Variants in INSL6 observed in about 807,000 individuals in gnomAD.
INSL6 encodes insulin-like peptide INSL6.
In INSL6, 16 loss-of-function variants were observed where a neutral mutation model predicts 9.4. The ratio of observed to expected loss-of-function variants is 1.70; its 90% CI spans 1.15 to 2.59. The LOEUF is 2.59. Ranked by LOEUF, INSL6 falls within the 30% of genes most tolerant of loss-of-function variation. The probability of loss-of-function intolerance (pLI) is 0.00; values close to 1 mark genes in which losing one functional copy is unlikely to be tolerated. For synonymous variants in INSL6, 154 were observed against 96.9 expected (o/e 1.59, Z -3.46); for missense variants, 391 against 257.3 (o/e 1.52, Z -3.56).
chr9:5,089,691 G>C, the INSL6 span: 1 of 1,413,510 alleles, frequency 7.1e-7, no homozygotes, highest in Non-Finnish European at 9.3e-7. Flanking sequence ...TTGGGAGTGT[G>C]GAGATGTGCC....
downstream of INSL6, among the ~76,000 whole-genome samples, chr9:5,158,967 T>A (rs1027769801): frequency 6.6e-6 from 1 of 152,048 alleles, no homozygotes; most frequent in African/African-American, 2.4e-5. Flanking sequence ...ATGATATAAA[T>A]AGACACAACA....
the INSL6 span, chr9:5,111,658 G>T: frequency 7.5e-6 from 3 of 402,164 alleles, no homozygotes; most frequent in Admixed American, 9.2e-5. Flanking sequence ...CGTCCCTCCC[G>T]CCCAGCAGCG....
the INSL6 span, among the ~76,000 whole-genome samples, chr9:4,997,963 T>A: frequency 6.6e-6 from 1 of 152,204 alleles, no homozygotes; most frequent in Non-Finnish European, 1.5e-5. Context: ...TAAATAATTA[T>A]TTCAGAGGAA....
rs187064018 is a variant in INSL6, at chr9:5,149,366, A to G, written c.376+14813T>C. 4.2e-3 allele frequency among the ~76,000 whole-genome samples: 632 copies of G among 151,906 alleles called. 3 individuals are homozygous for G. Among genetic ancestry groups the G allele is most frequent in the African/African-American group, 0.015 (607 of 41,428 alleles). On this transcript the variant is annotated intron_variant, in intron 2 of 3. Transcript: ENST00000649639. ...TTTTGTTGGTGTAGTCTCTGTGTAAATGACTTTTCACAGCTGCATCTACTC... is the reference window on the plus strand; with the variant it reads ...TTTTGTTGGTGTAGTCTCTGTGTAAGTGACTTTTCACAGCTGCATCTACTC...
At chr9:5,159,460 G>T (rs1428059653), downstream of INSL6, among the ~76,000 whole-genome samples, 1 of 151,602 alleles carries the variant, frequency 6.6e-6, no homozygotes, top group East Asian at 1.9e-4. Context: ...GATAGAAAAA[G>T]ATTTTCCATG....
the INSL6 span, chr9:5,110,972 A>G: frequency 6.5e-6 from 4 of 613,444 alleles, no homozygotes; most frequent in Non-Finnish European, 9.0e-6. Context: ...AGTAACCTGG[A>G]CTTCAGCATG....
At chr9:5,002,931 TA>T in the INSL6 span, among the ~76,000 whole-genome samples, 1 of 152,004 alleles carries the variant, frequency 6.6e-6, no homozygotes, top group African/African-American at 2.4e-5. Context: ...AGATAGAAGT[TA>T]AGGTTATTTT....
chr9:5,034,834 A>G, the INSL6 span, among the ~76,000 whole-genome samples: 2 of 152,178 alleles, frequency 1.3e-5, no homozygotes, highest in Non-Finnish European at 2.9e-5. Flanking sequence ...GAACTAGAAA[A>G]CCAAGAGCAA....
At chr9:5,021,055 G>C in the INSL6 span, among the ~76,000 whole-genome samples, 1 of 152,088 alleles carries the variant, frequency 6.6e-6, no homozygotes, top group Non-Finnish European at 1.5e-5. Flanking sequence ...CTTGTGTCTG[G>C]GATTGCAGGA....
At chr9:5,176,964 T>C (rs1022755770) in intron 1 of INSL6, among the ~76,000 whole-genome samples, 1 of 152,128 alleles carries the variant, frequency 6.6e-6, no homozygotes, top group African/African-American at 2.4e-5. Context: ...AATTAACCAA[T>C]GATACTGTAA....
At chr9:5,131,237 G>T (rs1394421785) in intron 3 of INSL6, among the ~76,000 whole-genome samples, 1 of 152,060 alleles carries the variant, frequency 6.6e-6, no homozygotes, top group Non-Finnish European at 1.5e-5. Flanking sequence ...TAATTTTGTT[G>T]AAGGCTGTTA....
chr9:5,185,191 T>C, intron 1 of INSL6, 123 bp downstream of exon 1: 1 of 1,235,266 alleles, frequency 8.1e-7, no homozygotes, highest in Middle Eastern at 2.0e-4. Flanking sequence ...TTTACAATTT[T>C]TTAAAGAGCT....
chr9:5,046,006 A>G, the INSL6 span, among the ~76,000 whole-genome samples: 226 of 152,312 alleles, frequency 1.5e-3, 1 homozygote, highest in African/African-American at 5.1e-3. Flanking sequence ...TCCTACCAGC[A>G]GTGCACAAGT....
intron 3 of INSL6, chr9:5,126,634 A>T: frequency 7.7e-7 from 1 of 1,303,822 alleles, no homozygotes; most frequent in Non-Finnish European, 1.1e-6. Flanking sequence ...CACCAATTAA[A>T]AGATGGCCCT....
chr9:5,018,239 CCTTT>C, the INSL6 span, among the ~76,000 whole-genome samples: 1 of 152,048 alleles, frequency 6.6e-6, no homozygotes, highest in Non-Finnish European at 1.5e-5. Flanking sequence ...ACATTTGAAT[CCTTT>C]CTTGTCTGTG....
At chr9:5,000,721 A>C in the INSL6 span, among the ~76,000 whole-genome samples, 4 of 152,194 alleles carry the variant, frequency 2.6e-5, no homozygotes, top group Admixed American at 6.5e-5. Flanking sequence ...TGTCTTAAAA[A>C]TAATTAGTTT....
At chr9:5,174,220 G>C (rs1306496047) in intron 1 of INSL6, among the ~76,000 whole-genome samples, 1 of 151,872 alleles carries the variant, frequency 6.6e-6, no homozygotes, top group Non-Finnish European at 1.5e-5. Flanking sequence ...ATTTCTCTTG[G>C]CCCCACTTAC....
At chr9:5,017,789 G>A in the INSL6 span, among the ~76,000 whole-genome samples, 1 of 152,202 alleles carries the variant, frequency 6.6e-6, no homozygotes, top group South Asian at 2.1e-4. Flanking sequence ...ATCTGTTACA[G>A]TAATTGCCAG....
chr9:5,053,319 G>C, the INSL6 span, among the ~76,000 whole-genome samples: 2 of 151,850 alleles, frequency 1.3e-5, no homozygotes, highest in Non-Finnish European at 2.9e-5. Flanking sequence ...TTTTAATTGG[G>C]TTATTTGTCT....
Sources: allele counts gnomAD v4.1 joint callset (sites outside exome capture counted in the v4.1 genomes callset), GRCh38; gene constraint gnomAD v4.1.1; transcripts MANE v1.5; gene names NCBI Gene and HGNC (gene_info 2026-07-23, HGNC 2026-07-21).